CFAP61: variants seen among roughly 807,000 people sequenced by gnomAD.
The protein encoded by CFAP61 is cilia and flagella associated protein 61, also known as cilia- and flagella-associated protein 61.
CFAP61 carries 107 observed loss-of-function variants against 135.6 expected under a neutral mutation model. The observed-to-expected ratio is 0.79, with a 90% confidence interval of 0.67 to 0.93. The LOEUF (loss-of-function observed/expected upper bound fraction) is 0.93. CFAP61 is among the 40% of genes least tolerant of loss of function. The pLI is 0.00. For missense variants in CFAP61, 1,507 were observed against 1,556.2 expected (o/e 0.97, Z 0.53); for synonymous variants, 575 against 578.5 (o/e 0.99, Z 0.09).
intron 8 of CFAP61, among the ~76,000 whole-genome samples, chr20:20,116,832 TGTGA>T (rs1004093486): frequency 9.8e-5 from 15 of 152,312 alleles, no homozygotes; most frequent in African/African-American, 3.4e-4. Flanking sequence ...AGTTTCCACA[TGTGA>T]GTGAGAACAT....
chr20:20,119,411 C>T (rs2049434740), intron 8 of CFAP61, among the ~76,000 whole-genome samples: 1 of 152,028 alleles, frequency 6.6e-6, no homozygotes, highest in Non-Finnish European at 1.5e-5. Flanking sequence ...TGTAATTGTT[C>T]ATAATATTCT....
chr20:20,213,113 T>C (rs556833711), intron 17 of CFAP61, among the ~76,000 whole-genome samples: 1 of 152,288 alleles, frequency 6.6e-6, no homozygotes, highest in Admixed American at 6.5e-5. Context: ...AAGCAGCTAA[T>C]GCCACTTCTT....
At chr20:20,325,107 G>C (rs558836119) in intron 25 of CFAP61, among the ~76,000 whole-genome samples, 1 of 152,226 alleles carries the variant, frequency 6.6e-6, no homozygotes, top group East Asian at 1.9e-4. Context: ...CCTCCTCTCT[G>C]TAAGAAGAAA....
intron 19 of CFAP61, among the ~76,000 whole-genome samples, chr20:20,247,587 C>G (rs1255664451): frequency 6.6e-6 from 1 of 152,202 alleles, no homozygotes; most frequent in Non-Finnish European, 1.5e-5. Flanking sequence ...AAAGTCGGCT[C>G]CTCACATTAG....
At chr20:20,318,769 C>A (rs1000267) in intron 25 of CFAP61, among the ~76,000 whole-genome samples, 31,457 of 152,202 alleles carry the variant, frequency 0.21, 4,411 homozygotes, top group African/African-American at 0.38. Context: ...TGTCCCAGCC[C>A]TGAGGCCAGG....
At chr20:20,154,551 C>T (rs1274003070) in intron 9 of CFAP61, among the ~76,000 whole-genome samples, 1 of 152,074 alleles carries the variant, frequency 6.6e-6, no homozygotes, top group African/African-American at 2.4e-5. Flanking sequence ...CTGCTATACA[C>T]CAACAGTGAC....
intron 6 of CFAP61, among the ~76,000 whole-genome samples, chr20:20,084,081 G>A (rs776552665): frequency 2.0e-5 from 3 of 152,118 alleles, no homozygotes; most frequent in African/African-American, 4.8e-5. Flanking sequence ...AGTTGACGCC[G>A]ATCTTAGGTT....
chr20:20,074,218 G>A (rs1198676816), intron 3 of CFAP61, 84 bp from the exon 4 acceptor site: 6 of 1,014,690 alleles, frequency 5.9e-6, no homozygotes, highest in Non-Finnish European at 4.7e-6. Flanking sequence ...GTCTGTGGAT[G>A]CCCCGAAACC....
intron 18 of CFAP61, among the ~76,000 whole-genome samples, chr20:20,242,286 A>G (rs1601581322): frequency 6.6e-6 from 1 of 151,792 alleles, no homozygotes; most frequent in African/African-American, 2.4e-5. Context: ...GAGATTTTAG[A>G]AAAAAAAATC....
intron 8 of CFAP61, among the ~76,000 whole-genome samples, chr20:20,112,115 G>T (rs909148727): frequency 2.6e-5 from 4 of 152,128 alleles, no homozygotes; most frequent in Non-Finnish European, 5.9e-5. Flanking sequence ...GACTTAAATG[G>T]TGTGATTAAT....
At chr20:20,297,723 C>G (rs1042541206) in intron 24 of CFAP61, among the ~76,000 whole-genome samples, 1 of 152,224 alleles carries the variant, frequency 6.6e-6, no homozygotes, top group Admixed American at 6.5e-5. Context: ...GCCATCAGGC[C>G]TGGCCTTTTA....
At chr20:20,090,493 C>G (rs1021054211) in intron 6 of CFAP61, among the ~76,000 whole-genome samples, 1 of 152,006 alleles carries the variant, frequency 6.6e-6, no homozygotes, top group Non-Finnish European at 1.5e-5. Context: ...AGATAGAAAC[C>G]ATCCTGGCCA....
intron 17 of CFAP61, among the ~76,000 whole-genome samples, chr20:20,209,861 C>T (rs958010551): frequency 6.6e-6 from 1 of 152,124 alleles, no homozygotes; most frequent in African/African-American, 2.4e-5. Flanking sequence ...CCTGTCCTCA[C>T]AGGAATCCTG....
At chr20:20,143,404 C>T (rs973068194) in intron 9 of CFAP61, among the ~76,000 whole-genome samples, 1 of 152,050 alleles carries the variant, frequency 6.6e-6, no homozygotes, top group South Asian at 2.1e-4. Flanking sequence ...AGAGGGGACT[C>T]GGGAGATGTG....
chr20:20,339,864 G>A (rs755700906), intron 25 of CFAP61, among the ~76,000 whole-genome samples: 9 of 152,162 alleles, frequency 5.9e-5, no homozygotes, highest in Non-Finnish European at 8.8e-5. Context: ...TCAACATTAC[G>A]ATCAATTGTA....
rs2044309414 is a variant in CFAP61, at chr20:20,056,069, A to G, written c.-36-549A>G. 3.0e-6 allele frequency: 4 copies of G among 1,324,054 alleles called. No individual in the cohort carries two copies. The Admixed American group carries it at 8.6e-5, about 28-fold the overall frequency. 82.0% of individuals were successfully genotyped at this position (1,324,054 alleles called of 1,614,324 possible). ...AAGGCTGGGTTATACAAAGAAAACA[A>G]GTTGCTTTATTATGGAACCTCTCAA... On this transcript the variant is annotated intron_variant, in intron 1 of 26. Transcript: ENST00000245957.
At chr20:20,161,748 G>A (rs1389283680) in intron 10 of CFAP61, among the ~76,000 whole-genome samples, 1 of 152,200 alleles carries the variant, frequency 6.6e-6, no homozygotes, top group East Asian at 1.9e-4. Flanking sequence ...AAATTGAACA[G>A]AGGCTGCTGC....
intron 21 of CFAP61, chr20:20,267,700 AGCCTCGCAGAC>A (rs1440731395): frequency 2.6e-5 from 4 of 152,266 alleles, no homozygotes; most frequent in Non-Finnish European, 4.4e-5. Context: ...ACGAAAACGT[AGCCTCGCAGAC>A]GGTTTGAAGG....
chr20:20,063,594 A>G (rs1015721157), intron 2 of CFAP61, among the ~76,000 whole-genome samples: 12 of 152,214 alleles, frequency 7.9e-5, no homozygotes, highest in African/African-American at 2.9e-4. Context: ...GATGACTCTC[A>G]TATGTATACA....
Sources: allele counts gnomAD v4.1 joint callset (sites outside exome capture counted in the v4.1 genomes callset), GRCh38; gene constraint gnomAD v4.1.1; transcripts MANE v1.5; gene names NCBI Gene and HGNC (gene_info 2026-07-23, HGNC 2026-07-21).